SLC39A11: variants seen among roughly 807,000 people sequenced by gnomAD.
SLC39A11 encodes solute carrier family 39 member 11, also known as zinc transporter ZIP11.
SLC39A11 carries 33 observed loss-of-function variants against 36.1 expected under a neutral mutation model. The ratio of observed to expected loss-of-function variants is 0.91; its 90% CI spans 0.69 to 1.22. SLC39A11 has a LOEUF of 1.22. SLC39A11 is among the 50% of genes most tolerant of loss of function. The probability of loss-of-function intolerance (pLI) is 0.00; values close to 1 mark genes in which losing one functional copy is unlikely to be tolerated. For synonymous variants in SLC39A11, 166 were observed against 170.3 expected, an observed-to-expected ratio of 0.97 and a Z score of 0.20; for missense variants, 432 against 430.3, an observed-to-expected ratio of 1.00 and a Z score of -0.03.
chr17:72,669,293 A>T (rs2070891743), intron 7 of SLC39A11, among the ~76,000 whole-genome samples: 1 of 152,220 alleles, frequency 6.6e-6, no homozygotes, highest in Non-Finnish European at 1.5e-5. Flanking sequence ...TTCAAGTCTC[A>T]TCAATTCTCC....
At chr17:72,842,765 G>T (rs570363296) in intron 6 of SLC39A11, among the ~76,000 whole-genome samples, 1 of 152,274 alleles carries the variant, frequency 6.6e-6, no homozygotes, top group Admixed American at 6.5e-5. Flanking sequence ...CCAGGCAGGC[G>T]CCACGGAAGT....
chr17:72,918,794 T>C (rs1024245529), intron 5 of SLC39A11, among the ~76,000 whole-genome samples: 1 of 152,206 alleles, frequency 6.6e-6, no homozygotes, highest in African/African-American at 2.4e-5. Context: ...CTGGGCACAG[T>C]GGCTCAAGCT....
chr17:73,031,902 G>A (rs1170076227), intron 3 of SLC39A11, among the ~76,000 whole-genome samples, 188 bp from the exon 4 acceptor site: 1 of 152,140 alleles, frequency 6.6e-6, no homozygotes, highest in Non-Finnish European at 1.5e-5. Context: ...GCTTACTATT[G>A]CAAGAACTCA....
At position 72,891,553 on chromosome 17, in the gene SLC39A11, C is replaced by G. The variant is rs182493383; in HGVS notation, c.431-41749G>C. ...CTGGAAGGTTCTATCCTCACTCTCT[C>G]CCCTCAGTTCATGATTCAGGTCCCT... is the stretch of plus-strand genomic sequence containing the variant. On this transcript the variant is annotated intron_variant, in intron 5 of 9. Transcript: ENST00000255559. Among the ~76,000 whole-genome samples, 20 of 152,216 alleles carry G rather than the reference C, an allele frequency of 1.3e-4. No individual in the cohort carries two copies. The East Asian group carries it at 2.7e-3, about 21-fold the overall frequency.
intron 6 of SLC39A11, among the ~76,000 whole-genome samples, chr17:72,784,860 CT>C (rs10594452): frequency 0.43 from 57,349 of 134,516 alleles, 14,231 homozygotes; most frequent in Non-Finnish European, 0.57. Flanking sequence ...TTTCTTTCTT[CT>C]TTTTTTTTTT....
chr17:73,089,234 C>T (rs887725312), intron 1 of SLC39A11, among the ~76,000 whole-genome samples: 1 of 152,116 alleles, frequency 6.6e-6, no homozygotes, highest in African/African-American at 2.4e-5. Context: ...TCTTAATCCC[C>T]ATCACATCTG....
intron 5 of SLC39A11, among the ~76,000 whole-genome samples, chr17:72,916,275 G>A (rs1276946688): frequency 2.0e-5 from 3 of 152,052 alleles, no homozygotes; most frequent in African/African-American, 4.8e-5. Context: ...TCTGTCAAGA[G>A]GGAAAAAAGA....
At chr17:72,762,091 C>T (rs984479808) in intron 6 of SLC39A11, among the ~76,000 whole-genome samples, 6 of 152,156 alleles carry the variant, frequency 3.9e-5, no homozygotes, top group African/African-American at 1.4e-4. Flanking sequence ...GCGTCAGAGG[C>T]GTTGGAACAA....
At chr17:72,984,501 G>A (rs1319245239) in intron 4 of SLC39A11, among the ~76,000 whole-genome samples, 2 of 152,170 alleles carry the variant, frequency 1.3e-5, no homozygotes, top group African/African-American at 4.8e-5. Context: ...CCAGGAGTTC[G>A]AGTTTTATTC....
intron 7 of SLC39A11, among the ~76,000 whole-genome samples, chr17:72,711,646 C>A (rs953382691): frequency 2.0e-4 from 31 of 152,184 alleles, no homozygotes; most frequent in Non-Finnish European, 1.5e-4. Flanking sequence ...CAAGACCTAA[C>A]CATGGGGCAA....
At chr17:72,771,717 G>C (rs532424812) in intron 6 of SLC39A11, among the ~76,000 whole-genome samples, 95 of 152,256 alleles carry the variant, frequency 6.2e-4, no homozygotes, top group African/African-American at 2.2e-3. Flanking sequence ...TGCAATTGAG[G>C]ATTTATAAGA....
At chr17:73,080,136 T>C (rs2060464301) in intron 3 of SLC39A11, among the ~76,000 whole-genome samples, 1 of 151,880 alleles carries the variant, frequency 6.6e-6, no homozygotes, top group South Asian at 2.1e-4. Flanking sequence ...GAAAAAATAA[T>C]CCTAAAATTC....
intron 3 of SLC39A11, among the ~76,000 whole-genome samples, chr17:73,079,271 A>C (rs2060436298): frequency 6.6e-6 from 1 of 151,754 alleles, no homozygotes; most frequent in Admixed American, 6.6e-5. Flanking sequence ...CTAACTTTGT[A>C]TTTTTAGCAG....
chr17:72,842,797 TG>T (rs1334832935), intron 6 of SLC39A11, among the ~76,000 whole-genome samples: 2 of 152,290 alleles, frequency 1.3e-5, no homozygotes, highest in Admixed American at 1.3e-4. Context: ...AGGCGGGTGG[TG>T]TCTGCACTCT....
At chr17:72,969,131 C>T (rs1359610418) in intron 4 of SLC39A11, among the ~76,000 whole-genome samples, 1 of 152,136 alleles carries the variant, frequency 6.6e-6, no homozygotes, top group Non-Finnish European at 1.5e-5. Flanking sequence ...GAACATATTG[C>T]AGGAAGGTTA....
intron 6 of SLC39A11, among the ~76,000 whole-genome samples, chr17:72,805,139 G>A (rs1471503693): frequency 6.6e-6 from 1 of 152,154 alleles, no homozygotes; most frequent in African/African-American, 2.4e-5. Flanking sequence ...CCGCCCTCCT[G>A]TGTGTGTAAA....
intron 7 of SLC39A11, among the ~76,000 whole-genome samples, chr17:72,698,953 C>A (rs1273749882): frequency 3.3e-5 from 5 of 152,190 alleles, no homozygotes; most frequent in Admixed American, 3.3e-4. Flanking sequence ...GCCTCAGCCT[C>A]CCGAGTAGCT....
intron 7 of SLC39A11, among the ~76,000 whole-genome samples, chr17:72,736,428 T>C: frequency 6.6e-6 from 1 of 152,216 alleles, no homozygotes; most frequent in South Asian, 2.1e-4. Context: ...GTTTCCAAAA[T>C]GATCATCACC....
chr17:73,078,666 G>A (rs1599180225), intron 3 of SLC39A11, among the ~76,000 whole-genome samples: 1 of 151,656 alleles, frequency 6.6e-6, no homozygotes, highest in East Asian at 1.9e-4. Flanking sequence ...TTTGTTTTTT[G>A]TCTTTTTTTT....
Sources: gnomAD v4.1 joint callset for allele counts (sites outside exome capture counted in the v4.1 genomes callset) on GRCh38, gnomAD v4.1.1 for gene constraint, MANE v1.5 for transcripts, NCBI Gene and HGNC (gene_info 2026-07-23, HGNC 2026-07-21) for gene names.